CSMD1: variants seen among roughly 807,000 people sequenced by gnomAD.
CSMD1 encodes CUB and Sushi multiple domains 1, also known as CUB and sushi domain-containing protein 1.
A neutral mutation model predicts 417.5 loss-of-function variants in CSMD1; 213 were observed. That is an observed-to-expected ratio of 0.51 (90% confidence interval 0.46 to 0.57). The LOEUF (loss-of-function observed/expected upper bound fraction) is 0.57, where lower values mean the gene tolerates loss of function less well. CSMD1 is among the 20% of genes least tolerant of loss of function. The pLI, the probability that CSMD1 is intolerant of heterozygous loss-of-function variation, is 0.00. For synonymous variants in CSMD1, 2,862 were observed against 1,736.8 expected (o/e 1.65, Z -16.11); for missense variants, 6,923 against 4,529.7 (o/e 1.53, Z -15.17).
chr8:3,928,795 C>T lies in CSMD1; in HGVS notation c.818+69108G>A, dbSNP rs180838059. 5.0e-3 allele frequency among the ~76,000 whole-genome samples: 535 copies of T among 106,342 alleles called. 13 individuals carry two copies. The highest frequency in any genetic ancestry group is 0.019 in the African/African-American group (485 of 26,192). The allele number at this position is 106,342 out of a possible 152,430, so 69.8% of individuals were successfully genotyped here. A position where few individuals can be genotyped will look rare whatever the true frequency, so the allele number is the denominator to read the frequency against. ...CCCACCCACCCCGCCCACCCCCGGG[C>T]CAGTTCTATGCATTCCCAGCGATTC... On this transcript the variant is annotated intron_variant, in intron 5 of 69. Coordinates refer to ENST00000635120, the MANE Select transcript of CSMD1 (RefSeq NM_033225.6).
At chr8:4,417,546 G>A (rs957404089) in intron 3 of CSMD1, among the ~76,000 whole-genome samples, 4 of 151,960 alleles carry the variant, frequency 2.6e-5, no homozygotes, top group African/African-American at 7.2e-5. Flanking sequence ...ATTATAATAT[G>A]AAAGTTCATT....
chr8:3,131,889 T>C (rs181632965), intron 41 of CSMD1, among the ~76,000 whole-genome samples: 3 of 152,322 alleles, frequency 2.0e-5, no homozygotes, highest in East Asian at 3.9e-4. Context: ...ACCATCTGAG[T>C]AATAGATTCC....
At chr8:4,207,361 A>C (rs913288776) in intron 3 of CSMD1, among the ~76,000 whole-genome samples, 9 of 152,176 alleles carry the variant, frequency 5.9e-5, no homozygotes, top group Non-Finnish European at 1.3e-4. Context: ...AATTAGCTTA[A>C]TAGTTTAGAT....
At chr8:4,663,109 G>A (rs946741219) in intron 1 of CSMD1, among the ~76,000 whole-genome samples, 1 of 152,184 alleles carries the variant, frequency 6.6e-6, no homozygotes, top group African/African-American at 2.4e-5. Flanking sequence ...GCCAGATCAC[G>A]TGGGCTTAGG....
At chr8:4,666,441 A>G (rs1023672000) in intron 1 of CSMD1, among the ~76,000 whole-genome samples, 2 of 152,136 alleles carry the variant, frequency 1.3e-5, no homozygotes, top group Non-Finnish European at 2.9e-5. Context: ...AGCACAGGAG[A>G]CAAGCAATGT....
At chr8:4,254,863 CTG>C (rs1250658527) in intron 3 of CSMD1, among the ~76,000 whole-genome samples, 1 of 152,192 alleles carries the variant, frequency 6.6e-6, no homozygotes, top group African/African-American at 2.4e-5. Flanking sequence ...TATGCACATT[CTG>C]TGTTGTTCAC....
chr8:4,977,171 T>G (rs1301588839), intron 1 of CSMD1, among the ~76,000 whole-genome samples: 1 of 152,220 alleles, frequency 6.6e-6, no homozygotes, highest in African/African-American at 2.4e-5. Context: ...AACTTTTCCT[T>G]GTTAACTATT....
intron 1 of CSMD1, among the ~76,000 whole-genome samples, chr8:4,684,481 C>T (rs1049435297): frequency 1.3e-5 from 2 of 152,104 alleles, no homozygotes; most frequent in African/African-American, 2.4e-5. Flanking sequence ...CTTGCTGGAT[C>T]ACCCCGGCTG....
intron 4 of CSMD1, among the ~76,000 whole-genome samples, chr8:4,030,372 C>G (rs1248423034): frequency 6.6e-6 from 1 of 152,184 alleles, no homozygotes; most frequent in Admixed American, 6.5e-5. Flanking sequence ...TTCCCAAACC[C>G]AAATTATTGA....
At chr8:3,719,506 C>A (rs951260202) in intron 6 of CSMD1, among the ~76,000 whole-genome samples, 1 of 152,186 alleles carries the variant, frequency 6.6e-6, no homozygotes, top group African/African-American at 2.4e-5. Context: ...TTCCCTGGAC[C>A]ATTCATTACA....
intron 7 of CSMD1, among the ~76,000 whole-genome samples, chr8:3,653,081 T>C (rs1376148825): frequency 1.3e-5 from 2 of 152,166 alleles, no homozygotes; most frequent in Non-Finnish European, 2.9e-5. Context: ...GACTCATTCA[T>C]CAACGTCATG....
At chr8:3,394,741 C>T (rs1192331110) in intron 17 of CSMD1, among the ~76,000 whole-genome samples, 1 of 152,070 alleles carries the variant, frequency 6.6e-6, no homozygotes, top group Non-Finnish European at 1.5e-5. Flanking sequence ...GAAGTGACAA[C>T]TCGAATGGAC....
At chr8:4,305,084 A>G (rs551599523) in intron 3 of CSMD1, among the ~76,000 whole-genome samples, 2 of 152,210 alleles carry the variant, frequency 1.3e-5, no homozygotes, top group Non-Finnish European at 2.9e-5. Flanking sequence ...ACAGAATCAC[A>G]ACAGGTTCCA....
Position 4,685,601 on chromosome 8 carries a change from G to C in CSMD1, c.86-48043C>G, listed in dbSNP as rs149653300. Among the ~76,000 whole-genome samples, 231 of 151,976 alleles carry C rather than the reference G, an allele frequency of 1.5e-3. 2 individuals carry two copies. The highest frequency in any genetic ancestry group is 7.9e-3 in the South Asian group (38 of 4,814). ...TAAAAGAAAAAAAGAAAGAAAGAAAGAAAGAAAGAAAAACGTAAGCACACC... is the reference window on the plus strand; with the variant it reads ...TAAAAGAAAAAAAGAAAGAAAGAAACAAAGAAAGAAAAACGTAAGCACACC... On this transcript the variant is annotated intron_variant, in intron 1 of 69. Transcript: ENST00000635120.
intron 3 of CSMD1, among the ~76,000 whole-genome samples, chr8:4,295,983 A>G (rs910947094): frequency 6.6e-6 from 1 of 151,868 alleles, no homozygotes; most frequent in East Asian, 1.9e-4. Context: ...AAAACAAACA[A>G]AAACAAAAAC....
chr8:2,951,036 C>A, intron 66 of CSMD1, 78 bp downstream of exon 66: 2 of 1,423,398 alleles, frequency 1.4e-6, no homozygotes, highest in East Asian at 2.3e-5. Flanking sequence ...TTAATACTTA[C>A]TAGATCACCT....
intron 2 of CSMD1, among the ~76,000 whole-genome samples, chr8:4,513,151 G>T (rs1019558513): frequency 6.6e-6 from 1 of 152,148 alleles, no homozygotes; most frequent in African/African-American, 2.4e-5. Flanking sequence ...TATGGGCTTT[G>T]GTTAATCGAA....
chr8:3,298,011 A>G (rs1563241767), intron 25 of CSMD1, among the ~76,000 whole-genome samples: 1 of 152,210 alleles, frequency 6.6e-6, no homozygotes, highest in Non-Finnish European at 1.5e-5. Context: ...TACCTTGATC[A>G]GTCGTCAGGG....
At chr8:4,142,057 A>AAAC (rs780983446) in intron 3 of CSMD1, among the ~76,000 whole-genome samples, 44,581 of 150,852 alleles carry the variant, frequency 0.3, 8,319 homozygotes, top group Non-Finnish European at 0.39. Context: ...TTGAATATAT[A>AAAC]AGTTGAAAAA....
Sources: gnomAD v4.1 joint callset for allele counts (sites outside exome capture counted in the v4.1 genomes callset) on GRCh38, gnomAD v4.1.1 for gene constraint, MANE v1.5 for transcripts, NCBI Gene and HGNC (gene_info 2026-07-23, HGNC 2026-07-21) for gene names.